Variants in PTBP2 observed in about 807,000 individuals in gnomAD.
PTBP2 encodes the protein polypyrimidine tract-binding protein 2.
A neutral mutation model predicts 61.4 loss-of-function variants in PTBP2; 13 were observed. The observed-to-expected ratio is 0.21, with a 90% CI of 0.14 to 0.34. PTBP2 has a LOEUF of 0.34. Ranked by LOEUF, PTBP2 falls within the 10% of genes least tolerant of loss-of-function variation. The pLI is 1.00. For synonymous variants in PTBP2, 215 were observed against 218.5 expected (o/e 0.98, Z 0.14); for missense variants, 405 against 642.6 (o/e 0.63, Z 4.00).
chr1:96,823,085 T>G (rs764550595), exon 14 of PTBP2: 4 of 152,420 alleles, frequency 2.6e-5, no homozygotes, highest in Admixed American at 2.6e-4. Context: ...CTCAGCCTCC[T>G]GAGTAGCTGG....
At chr1:96,794,393 C>T (rs1015104603) in intron 8 of PTBP2, among the ~76,000 whole-genome samples, 1 of 152,162 alleles carries the variant, frequency 6.6e-6, no homozygotes, top group African/African-American at 2.4e-5. Context: ...TCTGTTGCTT[C>T]TGCATTTAGT....
At chr1:96,744,180 C>T (rs1385253990) in intron 2 of PTBP2, among the ~76,000 whole-genome samples, 1 of 151,994 alleles carries the variant, frequency 6.6e-6, no homozygotes, top group South Asian at 2.1e-4. Context: ...GCCGAGATTG[C>T]GCCACTGCAC....
Position 96,785,144 on chromosome 1 carries a change from A to G in PTBP2, c.794A>G (p.Asn265Ser). ...SKLVNLNVKYNNDKSRDYTRP... is the reference protein window; with the variant it reads ...SKLVNLNVKYSNDKSRDYTRP... ...CTTGTGAATTTGAATGTAAAATACA[A>G]CAATGATAAAAGTAGGGATTATACT... The change falls in exon 8 of 14, where the codon AAC becomes AGC. Residue 265 changes from asparagine (N) to serine (S), a missense_variant. By Grantham distance (46) the Asn-to-Ser change is conservative. This residue lies in a region of PTBP2 where 342 missense variants were observed against 491.2 expected (regional missense o/e 0.70). Transcript: ENST00000674951. 1 of 1,610,240 alleles carries G rather than the reference A, an allele frequency of 6.2e-7. No homozygotes were observed. The highest frequency in any genetic ancestry group is 1.1e-5 in the South Asian group (1 of 90,662).
chr1:96,821,097 G>C (rs1311647693), exon 14 of PTBP2: 1 of 152,128 alleles, frequency 6.6e-6, no homozygotes, highest in African/African-American at 2.4e-5. Context: ...GGTGATGATA[G>C]TACATGTCTT....
rs506475 is a variant in PTBP2 at position 96,751,515 on chromosome 1, C to T, written c.115+15C>T. 18 of 1,593,120 alleles carry T rather than the reference C, an allele frequency of 1.1e-5. No individual in the cohort carries two copies. The highest frequency in any genetic ancestry group is 1.3e-5 in the African/African-American group (1 of 74,240). Reference sequence around the variant, plus strand: ...GGTAGTTACAGGTAAGTGTTACTCTCTTAGCAGTCTGTCATTTGCCATTTT... The same window carrying T: ...GGTAGTTACAGGTAAGTGTTACTCTTTTAGCAGTCTGTCATTTGCCATTTT... On this transcript the variant is annotated intron_variant, in intron 3 of 13. Transcript: ENST00000674951.
rs768099646 is a variant in PTBP2 at position 96,806,957 on chromosome 1, T to G, written c.1170T>G (p.Leu390=). 5 of 1,600,842 alleles carry G rather than the reference T, an allele frequency of 3.1e-6. No homozygotes were observed. The highest frequency in any genetic ancestry group is 4.3e-6 in the Non-Finnish European group (5 of 1,172,130). ...TGGCTGATGGAAACCAATCACAACT[T>G]GGTAAGATTAAACTATGTTTTATCT... The part of the protein sequence containing the change: ...IQMADGNQSQ[L]AMNHLNGQKM... Residue 390 remains leucine (L), a splice_region_variant and synonymous_variant, in exon 11 of 14, where the codon CTT becomes CTG. Coordinates refer to ENST00000674951, the MANE Select transcript of PTBP2 (RefSeq NM_021190.4).
chr1:96,721,924 C>T (rs1649616289), intron 1 of PTBP2, 52 bp downstream of exon 1: 2 of 1,559,544 alleles, frequency 1.3e-6, no homozygotes, highest in East Asian at 2.4e-5. Flanking sequence ...GTTGGACCGT[C>T]CTTCGGCCCG....
At chr1:96,728,604 A>G (rs564706372) in intron 2 of PTBP2, among the ~76,000 whole-genome samples, 2 of 152,302 alleles carry the variant, frequency 1.3e-5, no homozygotes, top group South Asian at 4.1e-4. Flanking sequence ...TTGAGTCTTG[A>G]AACCACTTAC....
chr1:96,788,903 T>C (rs553577341), intron 8 of PTBP2, among the ~76,000 whole-genome samples: 1 of 152,180 alleles, frequency 6.6e-6, no homozygotes, highest in African/African-American at 2.4e-5. Flanking sequence ...GGAGACTGAG[T>C]GCTTTGTAAT....
intron 2 of PTBP2, among the ~76,000 whole-genome samples, chr1:96,743,182 G>A (rs1653282653): frequency 6.6e-6 from 1 of 152,000 alleles, no homozygotes; most frequent in African/African-American, 2.4e-5. Flanking sequence ...AGCTACTCGG[G>A]AGGCTGAGGC....
At chr1:96,793,755 T>C (rs538349261) in intron 8 of PTBP2, among the ~76,000 whole-genome samples, 1 of 152,324 alleles carries the variant, frequency 6.6e-6, no homozygotes, top group South Asian at 2.1e-4. Context: ...GAGAGCTTAT[T>C]CAACTCTTAA....
intron 2 of PTBP2, among the ~76,000 whole-genome samples, chr1:96,743,550 G>A (rs575183790): frequency 6.6e-5 from 10 of 151,662 alleles, no homozygotes; most frequent in East Asian, 5.8e-4. Flanking sequence ...CAAAAGTGGC[G>A]CTATTCTTTT....
At chr1:96,791,826 C>CTTTTTTTTGTTTTTTTTTTTTG (rs1482989030) in intron 8 of PTBP2, among the ~76,000 whole-genome samples, 45 of 66,128 alleles carry the variant, frequency 6.8e-4, no homozygotes, top group East Asian at 1.3e-3. Flanking sequence ...TGGAGTTGTG[C>CTTTTTTTTGTTTTTTTTTTTTG]TTTTTTTTTT....
chr1:96,760,052 C>T (rs1367980790), intron 3 of PTBP2, among the ~76,000 whole-genome samples: 1 of 152,076 alleles, frequency 6.6e-6, no homozygotes, highest in African/African-American at 2.4e-5. Flanking sequence ...AGACCTGCCC[C>T]CATGATTCAG....
In PTBP2 at chr1:96,804,871, C is replaced by A. The variant is rs758238563; in HGVS notation, c.976C>A (p.Arg326=). ...AGCAGCTGCTGCAGCTGCTGCTGGC[C>A]GAGTGGGTATGCCTGGAGTCTCAGC... ...AAAAAAAAAG[R]VGMPGVSAGG... The change falls in exon 9 of 14, where the codon CGA becomes AGA. Residue 326 remains arginine, a synonymous_variant. Coordinates refer to ENST00000674951, the MANE Select transcript of PTBP2 (RefSeq NM_021190.4). 7.4e-6 allele frequency: 12 copies of A among 1,611,718 alleles called. No homozygotes were observed. Among genetic ancestry groups the A allele is most frequent in the Non-Finnish European group, 7.6e-6 (9 of 1,178,740 alleles).
At chr1:96,777,549 G>A (rs767022620) in intron 5 of PTBP2, 36 bp from the exon 6 acceptor site, 1 of 1,561,036 alleles carries the variant, frequency 6.4e-7, no homozygotes, top group African/African-American at 1.4e-5. Context: ...TGACAATAAT[G>A]GGTATGTTTC....
At chr1:96,789,128 G>A (rs948091950) in intron 8 of PTBP2, among the ~76,000 whole-genome samples, 1 of 151,976 alleles carries the variant, frequency 6.6e-6, no homozygotes, top group Non-Finnish European at 1.5e-5. Flanking sequence ...AATTTTTCAT[G>A]ATCATGTTAT....
chr1:96,721,872 G>T lies in PTBP2; in HGVS notation c.8G>T (p.Gly3Val), dbSNP rs1274144037. The T allele has an allele frequency of 6.3e-7, 1 of 1,575,652 alleles. No homozygotes were observed. Residue 3 changes from glycine (G) to valine (V), a missense_variant and splice_region_variant, in exon 1 of 14, where the codon GGA becomes GTA. Transcript: ENST00000674951. MD[G>V]IVTEVAVGVK... is the part of the protein sequence containing the mutation. ...GCTTTGTCCGGTTCGGCAATGGACG[G>T]GTATGTAATCGGGCCGGCGAGAAGG... is the stretch of plus-strand genomic sequence containing the variant.
intron 1 of PTBP2, among the ~76,000 whole-genome samples, chr1:96,722,572 G>A (rs959826334): frequency 6.6e-6 from 1 of 152,208 alleles, no homozygotes; most frequent in Non-Finnish European, 1.5e-5. Context: ...AAACATTCAA[G>A]GCTTGGCAAA....
Sources: allele counts gnomAD v4.1 joint callset (sites outside exome capture counted in the v4.1 genomes callset), GRCh38; gene constraint gnomAD v4.1.1; regional missense constraint gnomAD v4.1.1; transcripts MANE v1.5; gene names NCBI Gene and HGNC (gene_info 2026-07-23, HGNC 2026-07-21).